The following TAPBPL variants were observed in gnomAD, a reference collection of about 807,000 sequenced individuals.
TAPBPL encodes the protein TAP binding protein like.
A neutral mutation model predicts 44.8 loss-of-function variants in TAPBPL; 32 were observed. That is an observed-to-expected ratio of 0.71 (90% CI 0.54 to 0.96). The LOEUF is 0.96. TAPBPL is among the 40% of genes least tolerant of loss of function. TAPBPL has a pLI of 0.00. For synonymous variants in TAPBPL, 230 were observed against 240.7 expected, an observed-to-expected ratio of 0.96 and a Z score of 0.41; for missense variants, 520 against 586.6, an observed-to-expected ratio of 0.89 and a Z score of 1.17.
intron 1 of TAPBPL, 73 bp downstream of exon 1, chr12:6,452,385 A>G: frequency 6.6e-7 from 1 of 1,521,870 alleles, no homozygotes; most frequent in Non-Finnish European, 8.8e-7. Context: ...CCTCCCCGAG[A>G]TTCCAGAAGA....
chr12:6,465,096 C>T, downstream of TAPBPL: 3 of 1,060,256 alleles, frequency 2.8e-6, no homozygotes, highest in African/African-American at 1.6e-5. Flanking sequence ...AGAGGCCCTA[C>T]CCTTCTGCTT....
intron 4 of TAPBPL, among the ~76,000 whole-genome samples, chr12:6,458,082 A>G (rs879545735): frequency 2.6e-5 from 4 of 152,194 alleles, no homozygotes; most frequent in Non-Finnish European, 4.4e-5. Flanking sequence ...TATCACTGCT[A>G]TCCTTTAAAA....
intron 4 of TAPBPL, 96 bp from the exon 5 acceptor site, chr12:6,458,549 A>T (rs1949760826): frequency 1.4e-6 from 2 of 1,456,328 alleles, no homozygotes; most frequent in Admixed American, 1.9e-5. Context: ...TAGCCTCCAC[A>T]ATCTACTCTC....
Position 6,452,048 on chromosome 12 carries a change from C to A in TAPBPL, c.-201C>A. The A allele has an allele frequency of 1.6e-6, 1 of 635,828 alleles. No homozygotes were observed. Among genetic ancestry groups the A allele is most frequent in the Non-Finnish European group, 2.8e-6 (1 of 357,552 alleles). 39.4% of individuals were successfully genotyped at this position (635,828 alleles called of 1,614,324 possible). On this transcript the variant is annotated 5_prime_UTR_variant, in exon 1 of 7. Transcript: ENST00000266556. ...GGGCTCTGGCAGCTGCTGCAGACGG[C>A]TTCACACAGGGACGCGGGCTGCCAT...
downstream of TAPBPL, among the ~76,000 whole-genome samples, chr12:6,465,629 CCT>C (rs1445435104): frequency 6.6e-6 from 1 of 151,638 alleles, no homozygotes. Context: ...TCACTTTTTC[CCT>C]GATAGCGGTT....
In TAPBPL at chr12:6,462,001, A is replaced by C. The variant is rs112343707; in HGVS notation, c.1292-33A>C. On this transcript the variant is annotated intron_variant, in intron 6 of 6. Transcript: ENST00000266556. The stretch of plus-strand genomic sequence containing the variant: ...GCTTGTTTGCCAGTGTGAGATGCCC[A>C]CGCAACTTCCTGTCTTCACTTCCTC... 5.5e-4 allele frequency: 864 copies of C among 1,584,378 alleles called. 4 individuals are homozygous for C. In the African/African-American group the frequency reaches 0.01, roughly 19 times the overall value.
intron 3 of TAPBPL, among the ~76,000 whole-genome samples, chr12:6,457,121 G>A (rs866197511): frequency 6.6e-6 from 1 of 152,178 alleles, no homozygotes; most frequent in Non-Finnish European, 1.5e-5. Flanking sequence ...GAAGATTGAT[G>A]GTAACTCTTA....
At chr12:6,471,140 C>A (rs1011514263), downstream of TAPBPL, among the ~76,000 whole-genome samples, 23 of 152,184 alleles carry the variant, frequency 1.5e-4, no homozygotes, top group Admixed American at 1.1e-3. This position sits in a 1 kb window ranked among gnomAD's most constrained non-coding sequence, Gnocchi z 4.0. Context: ...CACCACCGCC[C>A]CGCCTCTAAC....
intron 3 of TAPBPL, among the ~76,000 whole-genome samples, chr12:6,454,770 C>G (rs1273881241): frequency 1.3e-5 from 2 of 152,174 alleles, no homozygotes; most frequent in African/African-American, 4.8e-5. Context: ...AAACCCAGTA[C>G]TTGCCCTCTC....
chr12:6,460,362 C>G (rs1949819932), intron 5 of TAPBPL, among the ~76,000 whole-genome samples: 1 of 152,046 alleles, frequency 6.6e-6, no homozygotes, highest in African/African-American at 2.4e-5. Flanking sequence ...GCCTCCCAGG[C>G]TCAAGTGATT....
At position 6,453,783 on chromosome 12, in the gene TAPBPL, C is replaced by T. The variant is rs1014922857; in HGVS notation, c.565+67C>T. On this transcript the variant is annotated intron_variant, in intron 3 of 6. Transcript: ENST00000266556. The surrounding 1 kb of genome is among the most constrained non-coding windows in gnomAD (Gnocchi z 4.8). ...CTGTAATTCCAGAATTTTGGGATACCGAGGTCGGTGGATCACCTGAGGTCA... is the reference window on the plus strand; with the variant it reads ...CTGTAATTCCAGAATTTTGGGATACTGAGGTCGGTGGATCACCTGAGGTCA... 2.2e-5 allele frequency: 33 copies of T among 1,474,236 alleles called. 1 individual carries two copies. The Admixed American group carries it at 6.7e-4, about 30-fold the overall frequency. 91.3% of individuals were successfully genotyped at this position (1,474,236 alleles called of 1,614,324 possible).
At chr12:6,463,524 T>C, downstream of TAPBPL, 1 of 1,048,278 alleles carries the variant, frequency 9.5e-7, no homozygotes, top group Non-Finnish European at 1.2e-6. The surrounding 1 kb of genome is among the most constrained non-coding windows in gnomAD (Gnocchi z 4.0). Context: ...AACAGGACCC[T>C]CTTTAACGAG....
rs369549787 is a variant in TAPBPL, at chr12:6,460,943, G to A, written c.1291+5G>A. The stretch of plus-strand genomic sequence containing the variant: ...TGGGGCTTCAGAGACGGCAAGGTAA[G>A]AGCCTGGGTGCCCTTGGCTCTGGCC... On this transcript the variant is annotated splice_donor_5th_base_variant and intron_variant, in intron 6 of 6. Transcript: ENST00000266556. The A allele has an allele frequency of 6.2e-7, 1 of 1,614,074 alleles. No individual in the cohort carries two copies. The highest frequency in any genetic ancestry group is 1.1e-5 in the South Asian group (1 of 91,084).
chr12:6,471,761 C>A, the TAPBPL span, among the ~76,000 whole-genome samples: 1 of 151,804 alleles, frequency 6.6e-6, no homozygotes, highest in Non-Finnish European at 1.5e-5. The surrounding 1 kb of genome is among the most constrained non-coding windows in gnomAD (Gnocchi z 4.0). Context: ...CGGGAGCCGA[C>A]GGTTGCAGTG....
chr12:6,463,102 C>T (rs75602368), downstream of TAPBPL: 3,685 of 1,516,928 alleles, frequency 2.4e-3, 12 homozygotes, highest in Non-Finnish European at 2.9e-3. This position sits in a 1 kb window ranked among gnomAD's most constrained non-coding sequence, Gnocchi z 4.0. Context: ...GCAATTGCCC[C>T]GAAGATAGGC....
At chr12:6,461,169 A>C in intron 6 of TAPBPL, 1 of 1,357,972 alleles carries the variant, frequency 7.4e-7, no homozygotes, top group Non-Finnish European at 9.5e-7. Context: ...AGTAGAAAGA[A>C]AGAGTAGTCA....
At chr12:6,470,615 A>T (rs1945750415), downstream of TAPBPL, 8 of 1,578,662 alleles carry the variant, frequency 5.1e-6, no homozygotes, top group Non-Finnish European at 6.9e-6. Flanking sequence ...GCTGAAGTGG[A>T]CGGAACTGCC....
chr12:6,470,798 C>T (rs1350489613), downstream of TAPBPL: 2 of 544,346 alleles, frequency 3.7e-6, no homozygotes, highest in Admixed American at 3.2e-5. Context: ...CCTAGCCCGC[C>T]CCGCCCCTGC....
chr12:6,462,556 G>T, downstream of TAPBPL: 3 of 556,100 alleles, frequency 5.4e-6, no homozygotes, highest in Non-Finnish European at 9.5e-6. Context: ...GAGGGTACAG[G>T]GTGGGTGAGA....
Sources: gnomAD v4.1 joint callset for allele counts (sites outside exome capture counted in the v4.1 genomes callset) on GRCh38, gnomAD v4.1.1 for gene constraint, Gnocchi (gnomAD v3.1) non-coding constraint, MANE v1.5 for transcripts, NCBI Gene and HGNC (gene_info 2026-07-23, HGNC 2026-07-21) for gene names.